The following CHSY3 variants were observed in gnomAD, a reference collection of about 807,000 sequenced individuals.
CHSY3 encodes the protein chondroitin sulfate synthase 3, also known as N-acetylgalactosaminyl-proteoglycan 3-beta-glucuronosyltransferase 3.
In CHSY3, 35 loss-of-function variants were observed where a neutral mutation model predicts 67.2. That is an observed-to-expected ratio of 0.52 (90% confidence interval 0.40 to 0.69). The LOEUF is 0.69. CHSY3 is among the 30% of genes least tolerant of loss of function. CHSY3 has a pLI of 0.00. For missense variants in CHSY3, 1,069 were observed against 1,138.5 expected (o/e 0.94, Z 0.88); for synonymous variants, 474 against 434.7 (o/e 1.09, Z -1.12).
chr5:130,122,442 C>A (rs1180912670), intron 2 of CHSY3, among the ~76,000 whole-genome samples: 1 of 152,110 alleles, frequency 6.6e-6, no homozygotes, highest in African/African-American at 2.4e-5. Flanking sequence ...TCTTTTGATG[C>A]CTTTCTGGAA....
At chr5:129,942,951 G>C (rs1432542007) in intron 2 of CHSY3, among the ~76,000 whole-genome samples, 4 of 152,094 alleles carry the variant, frequency 2.6e-5, no homozygotes, top group African/African-American at 4.8e-5. Context: ...GGATGTAAAA[G>C]AGTGACATTT....
At chr5:129,932,194 G>C (rs1030345104) in intron 2 of CHSY3, among the ~76,000 whole-genome samples, 6 of 142,162 alleles carry the variant, frequency 4.2e-5, no homozygotes, top group Non-Finnish European at 9.0e-5. Flanking sequence ...TTTTTTTTAA[G>C]GAATTGATTC....
chr5:129,907,834 C>T (rs758894246), intron 1 of CHSY3, among the ~76,000 whole-genome samples: 2 of 152,122 alleles, frequency 1.3e-5, no homozygotes, highest in Non-Finnish European at 2.9e-5. Context: ...TGATGATTGT[C>T]AGAGCTGTTA....
chr5:130,128,253 T>TGCGCGC (rs1554084711), intron 2 of CHSY3, among the ~76,000 whole-genome samples: 1 of 150,910 alleles, frequency 6.6e-6, no homozygotes, highest in African/African-American at 2.4e-5. Flanking sequence ...TGTGTGTGTG[T>TGCGCGC]GCGCTCACAT....
intron 2 of CHSY3, among the ~76,000 whole-genome samples, chr5:129,914,575 A>C (rs1309199122): frequency 6.6e-6 from 1 of 152,200 alleles, no homozygotes; most frequent in Admixed American, 6.5e-5. Context: ...TTAGTTTTTA[A>C]CTTTACTAAA....
At chr5:130,066,362 T>C (rs1447059561) in intron 2 of CHSY3, among the ~76,000 whole-genome samples, 1 of 152,068 alleles carries the variant, frequency 6.6e-6, no homozygotes, top group African/African-American at 2.4e-5. Context: ...CTCCCTCCTT[T>C]TGAATACTAT....
intron 2 of CHSY3, among the ~76,000 whole-genome samples, chr5:130,122,315 T>C (rs2149709371): frequency 6.6e-6 from 1 of 152,332 alleles, no homozygotes; most frequent in Non-Finnish European, 1.5e-5. Flanking sequence ...TTAGACATTT[T>C]TTCAGACTTT....
chr5:130,039,837 C>A (rs946840177), intron 2 of CHSY3, among the ~76,000 whole-genome samples: 2 of 151,972 alleles, frequency 1.3e-5, no homozygotes, highest in African/African-American at 4.8e-5. Flanking sequence ...AAAACTTCCC[C>A]CTAAATAGCA....
At position 130,184,528 on chromosome 5, in the gene CHSY3, A is replaced by G. The variant is rs201037524; in HGVS notation, c.1386A>G (p.Glu462=). Residue 462 remains glutamate, a synonymous_variant, in exon 3 of 3, where the codon GAA becomes GAG. Transcript: ENST00000305031. ...ACTTCCAGCCTCGGGAGAGAAATGA[A>G]GTGATAGAATGGGAGTTCCTGACAG... is the stretch of plus-strand genomic sequence containing the variant. ...FNHFQPRERN[E]VIEWEFLTGK... 1.2e-6 allele frequency: 2 copies of G among 1,610,592 alleles called. No homozygotes were observed. Among genetic ancestry groups the G allele is most frequent in the Non-Finnish European group, 1.7e-6 (2 of 1,176,898 alleles).
chr5:130,134,640 C>T (rs1768599549), intron 2 of CHSY3, among the ~76,000 whole-genome samples: 1 of 152,072 alleles, frequency 6.6e-6, no homozygotes, highest in South Asian at 2.1e-4. Flanking sequence ...GTTGTTACTG[C>T]TACACTGATT....
chr5:130,053,839 C>T (rs773375664), intron 2 of CHSY3, among the ~76,000 whole-genome samples: 5 of 151,998 alleles, frequency 3.3e-5, no homozygotes, highest in Non-Finnish European at 5.9e-5. Flanking sequence ...GTGTATTTTT[C>T]GTTATCTTAA....
At chr5:130,088,880 C>G (rs2149691317) in intron 2 of CHSY3, among the ~76,000 whole-genome samples, 1 of 152,124 alleles carries the variant, frequency 6.6e-6, no homozygotes, top group Non-Finnish European at 1.5e-5. Context: ...GGGTATATAC[C>G]CAAATGACTA....
chr5:130,133,093 G>A (rs1580767049), intron 2 of CHSY3, among the ~76,000 whole-genome samples: 1 of 152,306 alleles, frequency 6.6e-6, no homozygotes, highest in Non-Finnish European at 1.5e-5. Context: ...GGGTGGGCAT[G>A]CTGGAGAGAT....
chr5:130,046,553 A>C (rs1262034500), intron 2 of CHSY3, among the ~76,000 whole-genome samples: 1 of 152,110 alleles, frequency 6.6e-6, no homozygotes, highest in African/African-American at 2.4e-5. Context: ...TTTATTGTTT[A>C]GTGGAGACAA....
chr5:130,185,680 G>A lies in CHSY3; in HGVS notation c.2538G>A (p.Gln846=). Residue 846 remains glutamine (Q), a synonymous_variant, in exon 3 of 3, where the codon CAG becomes CAA. Coordinates refer to ENST00000305031, the MANE Select transcript of CHSY3 (RefSeq NM_175856.5). ...GTGATCCTAACTTGGACCCTAAGCA[G>A]TATAAGATGTGCTTAGGATCCAAGG... ...VHCDPNLDPK[Q]YKMCLGSKAS... The A allele has an allele frequency of 6.2e-7, 1 of 1,614,018 alleles. No homozygotes were observed.
intron 2 of CHSY3, among the ~76,000 whole-genome samples, chr5:130,164,622 T>C (rs947009245): frequency 6.6e-5 from 10 of 152,130 alleles, no homozygotes; most frequent in Non-Finnish European, 1.3e-4. Flanking sequence ...CTAGAATCCA[T>C]TCATAGGCAT....
intron 2 of CHSY3, among the ~76,000 whole-genome samples, chr5:130,178,280 G>T (rs1715048322): frequency 2.8e-5 from 3 of 106,432 alleles, no homozygotes; most frequent in South Asian, 3.8e-4. Flanking sequence ...TCCTGAGACG[G>T]AGTCTCACTC....
In CHSY3 at chr5:130,178,253, A is replaced by ATATTTTTTTTTTT. The variant is rs1205782386; in HGVS notation, c.1087-5975_1087-5974insATTTTTTTTTTTT. Among the ~76,000 whole-genome samples, 6 of 45,914 alleles carry ATATTTTTTTTTTT rather than the reference A, an allele frequency of 1.3e-4. No homozygotes were observed. The East Asian group carries it at 2.8e-3, about 21-fold the overall frequency. The allele number at this position is 45,914 out of a possible 152,430, so 30.1% of individuals were successfully genotyped here. ...TATATATATATATATATATATATAT[A>ATATTTTTTTTTTT]TTTTTTTTTTTTTTTTTCCTGAGAC... On this transcript the variant is annotated intron_variant, in intron 2 of 2. Coordinates refer to ENST00000305031, the MANE Select transcript of CHSY3 (RefSeq NM_175856.5).
At chr5:130,056,509 G>C (rs1489175710) in intron 2 of CHSY3, among the ~76,000 whole-genome samples, 1 of 152,190 alleles carries the variant, frequency 6.6e-6, no homozygotes, top group Admixed American at 6.5e-5. Flanking sequence ...AATCTTCACT[G>C]ATCTTAGAAA....
Sources: allele counts gnomAD v4.1 joint callset (sites outside exome capture counted in the v4.1 genomes callset), GRCh38; gene constraint gnomAD v4.1.1; transcripts MANE v1.5; gene names NCBI Gene and HGNC (gene_info 2026-07-23, HGNC 2026-07-21).